ZNF69: variants seen among roughly 807,000 people sequenced by gnomAD.
The protein encoded by ZNF69 is ZNF3.
ZNF69 carries 47 observed loss-of-function variants against 50.9 expected under a neutral mutation model. The observed-to-expected ratio is 0.92, with a 90% CI of 0.73 to 1.18. ZNF69 has a LOEUF of 1.18. ZNF69 is among the 50% of genes most tolerant of loss of function. The probability of loss-of-function intolerance (pLI) is 0.00; values close to 1 mark genes in which losing one functional copy is unlikely to be tolerated. For missense variants in ZNF69, 717 were observed against 675.1 expected, an observed-to-expected ratio of 1.06 and a Z score of -0.69; for synonymous variants, 216 against 223.1, an observed-to-expected ratio of 0.97 and a Z score of 0.29.
At chr19:11,963,626 C>G in the ZNF69 span, among the ~76,000 whole-genome samples, 1 of 152,144 alleles carries the variant, frequency 6.6e-6, no homozygotes, top group Non-Finnish European at 1.5e-5. Flanking sequence ...CAAGTTTTCA[C>G]GTCCCAATCG....
At chr19:11,978,976 A>G in the ZNF69 span, 5 of 1,614,104 alleles carry the variant, frequency 3.1e-6, no homozygotes, top group Admixed American at 8.3e-5. Context: ...GCATTCACGT[A>G]TCCCAGTTCC....
the ZNF69 span, among the ~76,000 whole-genome samples, chr19:11,922,870 T>C: frequency 1.3e-5 from 2 of 151,418 alleles, no homozygotes; most frequent in African/African-American, 4.9e-5. Context: ...TGAAGTTCAG[T>C]AACCTGATCA....
At chr19:11,950,195 G>A in the ZNF69 span, 1 of 1,613,638 alleles carries the variant, frequency 6.2e-7, no homozygotes, top group African/African-American at 1.3e-5. Context: ...ATACACGCAA[G>A]GACTCATATG....
At chr19:11,922,878 T>A in the ZNF69 span, among the ~76,000 whole-genome samples, 1 of 151,476 alleles carries the variant, frequency 6.6e-6, no homozygotes, top group Non-Finnish European at 1.5e-5. Flanking sequence ...AGTAACCTGA[T>A]CACAGCTCAC....
chr19:11,947,673 C>G, the ZNF69 span: 3 of 1,154,230 alleles, frequency 2.6e-6, no homozygotes, highest in Non-Finnish European at 3.8e-6. Flanking sequence ...AATCCAGCAT[C>G]AAATTCATTT....
At chr19:11,896,217 TAAAAAAAA>T (rs138289885) in intron 1 of ZNF69, among the ~76,000 whole-genome samples, 2 of 63,860 alleles carry the variant, frequency 3.1e-5, no homozygotes, top group African/African-American at 7.0e-5. Flanking sequence ...GAAACTCCAT[TAAAAAAAA>T]AAAAAAAAAA....
chr19:11,945,511 C>G, the ZNF69 span, among the ~76,000 whole-genome samples: 1 of 152,100 alleles, frequency 6.6e-6, no homozygotes, highest in Non-Finnish European at 1.5e-5. Flanking sequence ...TGAGGTGGAC[C>G]TGGATTCCTT....
chr19:11,963,074 T>TGAGAGAGA, the ZNF69 span, among the ~76,000 whole-genome samples: 43 of 134,428 alleles, frequency 3.2e-4, no homozygotes, highest in African/African-American at 5.9e-4. Flanking sequence ...GGTAGTTTGG[T>TGAGAGAGA]GAGAGAGAGA....
At chr19:11,888,056 C>T in intron 1 of ZNF69, 70 bp downstream of exon 1, 1 of 1,503,586 alleles carries the variant, frequency 6.7e-7, no homozygotes, top group Admixed American at 1.7e-5. Flanking sequence ...CCGACTGTGG[C>T]GAGACCCTGG....
At chr19:11,938,742 G>C in the ZNF69 span, among the ~76,000 whole-genome samples, 11 of 152,244 alleles carry the variant, frequency 7.2e-5, no homozygotes, top group African/African-American at 2.4e-4. Flanking sequence ...TATATACCCA[G>C]TAGTGGGATG....
the ZNF69 span, among the ~76,000 whole-genome samples, chr19:11,953,847 T>G: frequency 6.6e-6 from 1 of 152,204 alleles, no homozygotes; most frequent in African/African-American, 2.4e-5. Flanking sequence ...AAATGAAATG[T>G]ATTCAAAGGT....
chr19:11,921,242 T>C, the ZNF69 span, among the ~76,000 whole-genome samples: 31 of 152,138 alleles, frequency 2.0e-4, 1 homozygote, highest in South Asian at 6.2e-3. Flanking sequence ...GGTGGGATCA[T>C]AGCTCACTGC....
chr19:11,940,515 C>A, the ZNF69 span, among the ~76,000 whole-genome samples: 2 of 152,024 alleles, frequency 1.3e-5, no homozygotes, highest in Non-Finnish European at 2.9e-5. Context: ...TTCGTTCCTC[C>A]TGGTGGGCTC....
intron 1 of ZNF69, among the ~76,000 whole-genome samples, chr19:11,890,391 T>G (rs144905275): frequency 6.6e-6 from 1 of 152,298 alleles, no homozygotes; most frequent in East Asian, 1.9e-4. Context: ...CCTACAAACA[T>G]ATTGTTAACA....
the ZNF69 span, chr19:11,947,653 C>T: frequency 1.2e-5 from 16 of 1,294,218 alleles, no homozygotes; most frequent in South Asian, 2.1e-4. Flanking sequence ...AGAAGTAAAA[C>T]AAAGAACTAA....
At chr19:11,979,380 C>G in the ZNF69 span, 11 of 1,610,638 alleles carry the variant, frequency 6.8e-6, no homozygotes, top group African/African-American at 1.3e-5. Flanking sequence ...TGTGGGAAAG[C>G]CTTCAGATCT....
At chr19:11,891,967 G>A (rs1478497039) in intron 1 of ZNF69, among the ~76,000 whole-genome samples, 2 of 151,960 alleles carry the variant, frequency 1.3e-5, no homozygotes, top group African/African-American at 4.8e-5. Flanking sequence ...TGATGTATGA[G>A]GTACAATAAT....
the ZNF69 span, chr19:11,946,778 C>T: frequency 6.3e-6 from 1 of 159,758 alleles, no homozygotes; most frequent in Admixed American, 6.4e-5. Flanking sequence ...GTGGGGTGGG[C>T]TTACTTTGTG....
At chr19:11,895,144 G>C (rs1036712388) in intron 1 of ZNF69, among the ~76,000 whole-genome samples, 2 of 152,212 alleles carry the variant, frequency 1.3e-5, no homozygotes, top group African/African-American at 4.8e-5. Flanking sequence ...ATAGATTGCA[G>C]CTTGAGTATT....
Sources: allele counts gnomAD v4.1 joint callset (sites outside exome capture counted in the v4.1 genomes callset), GRCh38; gene constraint gnomAD v4.1.1; transcripts MANE v1.5; gene names NCBI Gene and HGNC (gene_info 2026-07-23, HGNC 2026-07-21).